Variants in CNTN5 observed in about 807,000 individuals in gnomAD.
The protein encoded by CNTN5 is contactin 5.
In CNTN5, 77 loss-of-function variants were observed where a neutral mutation model predicts 129.1. That is an observed-to-expected ratio of 0.60 (90% CI 0.50 to 0.72). CNTN5 has a LOEUF of 0.72. Among genes scored for constraint, CNTN5 ranks in the 30% least tolerant of loss-of-function variants. The pLI is 0.00. For missense variants in CNTN5, 1,478 were observed against 1,328.8 expected, an observed-to-expected ratio of 1.11 and a Z score of -1.75; for synonymous variants, 509 against 465.6, an observed-to-expected ratio of 1.09 and a Z score of -1.20.
At chr11:99,168,907 G>T (rs1355341070) in intron 1 of CNTN5, among the ~76,000 whole-genome samples, 1 of 152,208 alleles carries the variant, frequency 6.6e-6, no homozygotes, top group African/African-American at 2.4e-5. Flanking sequence ...TTGAACATTT[G>T]TGCTTATCAG....
intron 3 of CNTN5, among the ~76,000 whole-genome samples, chr11:99,797,958 T>A (rs1945998677): frequency 6.6e-6 from 1 of 152,294 alleles, no homozygotes; most frequent in African/African-American, 2.4e-5. Flanking sequence ...AAAAAATATT[T>A]ACTGAATTTT....
chr11:99,455,216 G>A (rs562847113), intron 2 of CNTN5, among the ~76,000 whole-genome samples: 2 of 152,218 alleles, frequency 1.3e-5, no homozygotes, highest in East Asian at 1.9e-4. Context: ...TGATCTTAAA[G>A]TGAAAGATCA....
intron 1 of CNTN5, among the ~76,000 whole-genome samples, chr11:99,088,644 G>T (rs909856353): frequency 1.3e-5 from 2 of 152,090 alleles, no homozygotes; most frequent in Non-Finnish European, 2.9e-5. Context: ...ATAAAGAGTG[G>T]CAAACGCATA....
chr11:99,519,893 G>A (rs147578312), intron 2 of CNTN5, among the ~76,000 whole-genome samples: 119 of 152,076 alleles, frequency 7.8e-4, no homozygotes, highest in African/African-American at 2.8e-3. Context: ...TTACCCCTAA[G>A]GAATCAGGAG....
At chr11:99,341,785 G>A (rs1412754195) in intron 2 of CNTN5, among the ~76,000 whole-genome samples, 1 of 152,096 alleles carries the variant, frequency 6.6e-6, no homozygotes, top group Non-Finnish European at 1.5e-5. Context: ...AAGTTATTGA[G>A]GAGACAAAAT....
intron 9 of CNTN5, among the ~76,000 whole-genome samples, chr11:100,013,282 AC>A (rs1395098533): frequency 6.6e-6 from 1 of 152,138 alleles, no homozygotes; most frequent in East Asian, 1.9e-4. Context: ...CCCAGACTTC[AC>A]CACTACACAA....
rs542131847 is a variant in CNTN5 at position 99,453,393 on chromosome 11, C to T, written c.-70-102752C>T. Among the ~76,000 whole-genome samples, 84 of 152,168 alleles carry T rather than the reference C, an allele frequency of 5.5e-4. 4 individuals carry two copies. The South Asian group carries it at 0.015, about 28-fold the overall frequency. On this transcript the variant is annotated intron_variant, in intron 2 of 24. Transcript: ENST00000524871. ...ATTTTCTTTAATTCATAACTGAAAC[C>T]ATTTGCTGTGAATTTCCAATGGTAG...
chr11:99,526,213 C>A (rs556999257), intron 2 of CNTN5, among the ~76,000 whole-genome samples: 3 of 152,066 alleles, frequency 2.0e-5, no homozygotes, highest in Non-Finnish European at 2.9e-5. Context: ...TAGGAAATGA[C>A]GTGGTAGAAG....
At chr11:100,106,816 T>C (rs1236674289) in intron 13 of CNTN5, among the ~76,000 whole-genome samples, 2 of 152,142 alleles carry the variant, frequency 1.3e-5, no homozygotes, top group Non-Finnish European at 2.9e-5. Flanking sequence ...AGAAAAATGT[T>C]ATTAGGTGAC....
intron 3 of CNTN5, among the ~76,000 whole-genome samples, chr11:99,652,068 G>C (rs747100155): frequency 1.3e-5 from 2 of 152,050 alleles, no homozygotes; most frequent in Non-Finnish European, 2.9e-5. Flanking sequence ...CCTCTGTTGA[G>C]CATCTCACAA....
At chr11:99,601,885 TAG>T (rs1950322288) in intron 3 of CNTN5, among the ~76,000 whole-genome samples, 1 of 152,310 alleles carries the variant, frequency 6.6e-6, no homozygotes, top group South Asian at 2.1e-4. Context: ...TGCTCAATAG[TAG>T]AGAGTATGCC....
chr11:99,122,960 G>C (rs541986321), intron 1 of CNTN5, among the ~76,000 whole-genome samples: 1 of 152,058 alleles, frequency 6.6e-6, no homozygotes, highest in African/African-American at 2.4e-5. Context: ...GGGCATTCAG[G>C]TTGATTTTTT....
At chr11:99,742,240 C>A (rs1943909353) in intron 3 of CNTN5, among the ~76,000 whole-genome samples, 1 of 152,124 alleles carries the variant, frequency 6.6e-6, no homozygotes, top group African/African-American at 2.4e-5. Context: ...TCTAAGTTCA[C>A]TGATTCTGTG....
intron 13 of CNTN5, among the ~76,000 whole-genome samples, chr11:100,146,309 A>T (rs964941496): frequency 1.3e-5 from 2 of 152,172 alleles, no homozygotes; most frequent in Non-Finnish European, 2.9e-5. Flanking sequence ...ATCATACAAG[A>T]TCTTTACTTT....
At chr11:99,991,632 T>G (rs1172662435) in intron 8 of CNTN5, among the ~76,000 whole-genome samples, 1 of 152,182 alleles carries the variant, frequency 6.6e-6, no homozygotes, top group Non-Finnish European at 1.5e-5. Context: ...AACACTGTTT[T>G]TTCATCTCTC....
At chr11:100,213,051 T>G (rs773495576) in intron 15 of CNTN5, among the ~76,000 whole-genome samples, 13 of 152,004 alleles carry the variant, frequency 8.6e-5, no homozygotes, top group Non-Finnish European at 1.6e-4. Flanking sequence ...TACTAAATAA[T>G]AAAAGATTCC....
chr11:99,715,112 A>G (rs985026463), intron 3 of CNTN5, among the ~76,000 whole-genome samples: 1 of 152,040 alleles, frequency 6.6e-6, no homozygotes, highest in African/African-American at 2.4e-5. Context: ...TAAATGTTCA[A>G]TAAATATTTG....
intron 9 of CNTN5, among the ~76,000 whole-genome samples, chr11:100,013,160 G>A (rs760839638): frequency 1.3e-5 from 2 of 152,098 alleles, no homozygotes; most frequent in African/African-American, 2.4e-5. Context: ...ATATGCTGTG[G>A]AGTAATAGTC....
intron 1 of CNTN5, among the ~76,000 whole-genome samples, chr11:99,091,225 A>G (rs1284768954): frequency 6.6e-6 from 1 of 152,108 alleles, no homozygotes; most frequent in Non-Finnish European, 1.5e-5. Context: ...AACTTTGGTC[A>G]TTTTCCCCTT....
Sources: gnomAD v4.1 joint callset for allele counts (sites outside exome capture counted in the v4.1 genomes callset) on GRCh38, gnomAD v4.1.1 for gene constraint, MANE v1.5 for transcripts, NCBI Gene and HGNC (gene_info 2026-07-23, HGNC 2026-07-21) for gene names.